ARFGEF2: variants seen among roughly 807,000 people sequenced by gnomAD.
ARFGEF2 encodes brefeldin A-inhibited guanine nucleotide-exchange protein 2.
Under a neutral mutation model 219.9 loss-of-function variants are expected in ARFGEF2, and 74 were observed. The ratio of observed to expected loss-of-function variants is 0.34; its 90% CI spans 0.28 to 0.41. The LOEUF (loss-of-function observed/expected upper bound fraction) is 0.41, where lower values mean the gene tolerates loss of function less well. Ranked by LOEUF, ARFGEF2 falls within the 10% of genes least tolerant of loss-of-function variation. ARFGEF2 has a pLI of 1.00. For missense variants in ARFGEF2, 1,743 were observed against 2,218.3 expected (o/e 0.79, Z 4.30); for synonymous variants, 733 against 799.2 (o/e 0.92, Z 1.40).
intron 6 of ARFGEF2, among the ~76,000 whole-genome samples, chr20:48,956,505 A>AGT (rs1285053175): frequency 2.0e-5 from 3 of 152,202 alleles, no homozygotes; most frequent in African/African-American, 7.2e-5. Flanking sequence ...ATCAGACATC[A>AGT]GTGTGTGTAC....
rs2091210964 is a variant in ARFGEF2 at position 48,969,345 on chromosome 20, C to T, written c.1190+68C>T. The T allele has an allele frequency of 9.9e-6, 16 of 1,612,426 alleles. No homozygotes were observed. In the South Asian group the frequency reaches 1.8e-4, roughly 18 times the overall value. ...CAGCAGCACATGGTACTGTGTTTCA[C>T]ACTTCCCTTGTTCCAAGAAGTTTCA... On this transcript the variant is annotated intron_variant, in intron 9 of 38. Transcript: ENST00000371917.
At chr20:48,956,211 A>G (rs1357224305) in intron 6 of ARFGEF2, among the ~76,000 whole-genome samples, 2 of 152,224 alleles carry the variant, frequency 1.3e-5, no homozygotes, top group African/African-American at 4.8e-5. Flanking sequence ...TCCTGTAGTA[A>G]TCACCATCAC....
At chr20:48,976,297 A>G (rs2091260946) in intron 14 of ARFGEF2, 98 bp downstream of exon 14, 2 of 1,468,180 alleles carry the variant, frequency 1.4e-6, no homozygotes, top group South Asian at 1.2e-5. Context: ...CCTGTTTACA[A>G]AAGGCTGGTG....
chr20:49,031,990 C>T (rs2091638616), intron 37 of ARFGEF2, 59 bp from the exon 38 acceptor site: 4 of 1,116,750 alleles, frequency 3.6e-6, no homozygotes, highest in South Asian at 1.2e-5. Flanking sequence ...ATAGTTCTCC[C>T]CTGAATGTGA....
At chr20:48,998,899 T>G (rs2123483384) in intron 25 of ARFGEF2, among the ~76,000 whole-genome samples, 1 of 152,334 alleles carries the variant, frequency 6.6e-6, no homozygotes, top group African/African-American at 2.4e-5. Context: ...GCTTCTTGTA[T>G]TCCGGCACCT....
At chr20:48,994,621 T>A (rs1002631489) in intron 22 of ARFGEF2, 23 bp downstream of exon 22, 3 of 1,612,562 alleles carry the variant, frequency 1.9e-6, no homozygotes, top group African/African-American at 2.7e-5. Context: ...GCCCCACAGC[T>A]AACAGTCACG....
At position 49,017,351 on chromosome 20, in the gene ARFGEF2, G is replaced by T. The variant is rs1394546344; in HGVS notation, c.4418G>T (p.Cys1473Phe). 2 of 1,613,932 alleles carry T rather than the reference G, an allele frequency of 1.2e-6. No individual in the cohort carries two copies. The highest frequency in any genetic ancestry group is 2.2e-5 in the East Asian group (1 of 44,874). ...GAAGTCTGGGATGAAACCTGCAACT[G>T]TATGTTGGATATTTTCAAAACAACC... ...SPEVWDETCN[C>F]MLDIFKTTIP... Residue 1473 changes from cysteine (C) to phenylalanine (F), a missense_variant, in exon 32 of 39, where the codon TGT (cysteine) becomes TTT (phenylalanine). This residue lies in a region of ARFGEF2 where 578 missense variants were observed against 664.0 expected (regional missense o/e 0.87). Transcript: ENST00000371917.
At chr20:48,929,725 G>C (rs2090901731) in intron 1 of ARFGEF2, among the ~76,000 whole-genome samples, 1 of 152,202 alleles carries the variant, frequency 6.6e-6, no homozygotes, top group South Asian at 2.1e-4. Context: ...GGAACAACCT[G>C]AGTGAAGGCT....
chr20:48,955,508 A>T (rs138025634), intron 6 of ARFGEF2, among the ~76,000 whole-genome samples: 181 of 152,370 alleles, frequency 1.2e-3, no homozygotes, highest in African/African-American at 4.2e-3. Flanking sequence ...TGCCTGGCAC[A>T]CGCAGCAGAC....
chr20:49,036,251 G>A lies in ARFGEF2; in HGVS notation c.*3052G>A, dbSNP rs2091665472. On this transcript the variant is annotated 3_prime_UTR_variant, in exon 39 of 39. Transcript: ENST00000371917. ...ATGGAATCCTGGAGTTTTGTTATCA[G>A]CAGCTTTGCAGTTTGGGAAACAAAG... is the stretch of plus-strand genomic sequence containing the variant. 1 of 398,222 alleles carries A rather than the reference G, an allele frequency of 2.5e-6. No individual in the cohort carries two copies. The highest frequency in any genetic ancestry group is 4.4e-6 in the Non-Finnish European group (1 of 225,944). 24.7% of individuals were successfully genotyped at this position (398,222 alleles called of 1,614,324 possible).
chr20:49,017,515 G>A lies in ARFGEF2; in HGVS notation c.4474G>A (p.Val1492Ile), dbSNP rs1046086866. Residue 1492 changes from valine (V) to isoleucine (I), a missense_variant, in exon 33 of 39, where the codon GTA becomes ATA. By Grantham distance (29) the Val-to-Ile change is conservative. This residue lies in a region of ARFGEF2 where 578 missense variants were observed against 664.0 expected (regional missense o/e 0.87). Coordinates refer to ENST00000371917, the MANE Select transcript of ARFGEF2 (RefSeq NM_006420.3). ...IPHVLLTWRPVGMEEDSSEKH... is the reference protein window; with the variant it reads ...IPHVLLTWRPIGMEEDSSEKH... The stretch of plus-strand genomic sequence containing the variant: ...CTTCAGTTTGCTGACATGGAGACCT[G>A]TAGGAATGGAGGAAGATTCATCAGA... 1 of 1,613,760 alleles carries A rather than the reference G, an allele frequency of 6.2e-7. No individual in the cohort carries two copies. The highest frequency in any genetic ancestry group is 8.5e-7 in the Non-Finnish European group (1 of 1,179,896).
intron 37 of ARFGEF2, among the ~76,000 whole-genome samples, chr20:49,030,541 T>A (rs1473891246): frequency 6.6e-6 from 1 of 152,078 alleles, no homozygotes; most frequent in African/African-American, 2.4e-5. Flanking sequence ...GCTATTTTTC[T>A]TTATAATTTT....
chr20:48,944,799 T>C (rs1310151734), intron 3 of ARFGEF2, among the ~76,000 whole-genome samples: 1 of 152,104 alleles, frequency 6.6e-6, no homozygotes, highest in Admixed American at 6.6e-5. Flanking sequence ...GTGTCTGTGT[T>C]CTTAACCAGG....
intron 20 of ARFGEF2, 107 bp downstream of exon 20, chr20:48,989,791 C>T: frequency 6.6e-7 from 1 of 1,525,638 alleles, no homozygotes; most frequent in Non-Finnish European, 9.0e-7. Context: ...AGACTCTTAG[C>T]AAGCTACTTA....
chr20:48,996,467 G>A (rs2091388350), intron 23 of ARFGEF2, among the ~76,000 whole-genome samples: 2 of 147,372 alleles, frequency 1.4e-5, no homozygotes, highest in South Asian at 2.2e-4. Flanking sequence ...AAAAAAAAAC[G>A]CCTACCCATG....
At chr20:49,016,462 TGA>T (rs766159263) in intron 31 of ARFGEF2, 47 bp downstream of exon 31, 2 of 1,599,186 alleles carry the variant, frequency 1.3e-6, no homozygotes, top group South Asian at 2.2e-5. Context: ...TAGTCTTTAA[TGA>T]GAGGTTAGTT....
At chr20:48,999,527 T>C (rs2091411951) in intron 25 of ARFGEF2, among the ~76,000 whole-genome samples, 1 of 152,090 alleles carries the variant, frequency 6.6e-6, no homozygotes, top group Non-Finnish European at 1.5e-5. Context: ...GGCAGGTGGA[T>C]CACAGGTCAG....
At chr20:48,974,431 A>T (rs990866871) in intron 12 of ARFGEF2, among the ~76,000 whole-genome samples, 6 of 152,120 alleles carry the variant, frequency 3.9e-5, no homozygotes, top group Admixed American at 6.5e-5. Context: ...TTATTTTTTT[A>T]AAAATAGAAA....
chr20:49,025,564 T>G, intron 36 of ARFGEF2, 83 bp downstream of exon 36: 1 of 1,468,388 alleles, frequency 6.8e-7, no homozygotes, highest in East Asian at 2.3e-5. Flanking sequence ...TGCCCAAAAT[T>G]TTAAACATAG....
Sources: gnomAD v4.1 joint callset for allele counts (sites outside exome capture counted in the v4.1 genomes callset) on GRCh38, gnomAD v4.1.1 for gene constraint, gnomAD v4.1.1 regional missense constraint, MANE v1.5 for transcripts, NCBI Gene and HGNC (gene_info 2026-07-23, HGNC 2026-07-21) for gene names.